Variants in SH3BGRL2 observed in about 807,000 individuals in gnomAD.
The protein encoded by SH3BGRL2 is SH3 domain-binding glutamic acid-rich-like protein 2.
In SH3BGRL2, 21 loss-of-function variants were observed where a neutral mutation model predicts 14.8. That is an observed-to-expected ratio of 1.42 (90% CI 1.01 to 2.05). The LOEUF (loss-of-function observed/expected upper bound fraction) is 2.05. Among genes scored for constraint, SH3BGRL2 ranks in the 30% most tolerant of loss-of-function variants. The probability of loss-of-function intolerance (pLI) is 0.00; values close to 1 mark genes in which losing one functional copy is unlikely to be tolerated. For missense variants in SH3BGRL2, 147 were observed against 130.8 expected (o/e 1.12, Z -0.61); for synonymous variants, 50 against 47.8 (o/e 1.05, Z -0.19).
intron 1 of SH3BGRL2, among the ~76,000 whole-genome samples, chr6:79,646,746 A>G (rs753621141): frequency 1.3e-5 from 2 of 152,142 alleles, no homozygotes; most frequent in Non-Finnish European, 2.9e-5. Context: ...TTCTGACTCA[A>G]TGGATTTGCC....
intron 2 of SH3BGRL2, among the ~76,000 whole-genome samples, chr6:79,681,537 C>T (rs1185832738): frequency 6.6e-6 from 1 of 152,078 alleles, no homozygotes; most frequent in Non-Finnish European, 1.5e-5. Flanking sequence ...GGGTAAATTA[C>T]CAGCAGTTGG....
the SH3BGRL2 span, among the ~76,000 whole-genome samples, chr6:79,584,846 T>C: frequency 6.6e-6 from 1 of 152,178 alleles, no homozygotes; most frequent in Non-Finnish European, 1.5e-5. Context: ...TCTGTCAATG[T>C]TTTAAATGCA....
chr6:79,699,547 G>A lies in SH3BGRL2; in HGVS notation c.*38G>A, dbSNP rs756494500. 2 of 1,449,600 alleles carry A rather than the reference G, an allele frequency of 1.4e-6. No homozygotes were observed. The highest frequency in any genetic ancestry group is 1.8e-6 in the Non-Finnish European group (2 of 1,096,392). 89.8% of individuals were successfully genotyped at this position (1,449,600 alleles called of 1,614,324 possible). A position where few individuals can be genotyped will look rare whatever the true frequency, so the allele number is the denominator to read the frequency against. On this transcript the variant is annotated 3_prime_UTR_variant, in exon 4 of 4. Transcript: ENST00000369838. ...GAAGATGACGGAGATGCATTTTGAA[G>A]CACCCCTGGTACTCAGCACACACAT...
the SH3BGRL2 span, among the ~76,000 whole-genome samples, chr6:79,621,055 G>A: frequency 7.2e-5 from 11 of 152,138 alleles, no homozygotes; most frequent in African/African-American, 2.6e-4. Context: ...GAGCCACCGA[G>A]CCCAGCCATG....
At chr6:79,561,303 TGTC>T in the SH3BGRL2 span, 4 of 152,164 alleles carry the variant, frequency 2.6e-5, no homozygotes, top group African/African-American at 4.8e-5. Context: ...ATTTTCAACA[TGTC>T]GTCAATATGT....
chr6:79,565,401 A>G, the SH3BGRL2 span, among the ~76,000 whole-genome samples: 1 of 152,118 alleles, frequency 6.6e-6, no homozygotes, highest in Admixed American at 6.6e-5. Flanking sequence ...TGCAAATTCT[A>G]TGTTTTTTTA....
chr6:79,622,444 T>A, the SH3BGRL2 span, among the ~76,000 whole-genome samples: 1 of 152,204 alleles, frequency 6.6e-6, no homozygotes, highest in Non-Finnish European at 1.5e-5. Context: ...TAATGATACG[T>A]GTTGCAAGTA....
At chr6:79,567,990 A>G in the SH3BGRL2 span, among the ~76,000 whole-genome samples, 1 of 152,178 alleles carries the variant, frequency 6.6e-6, no homozygotes, top group South Asian at 2.1e-4. Context: ...AAGATGTCCA[A>G]CCTCATTCAT....
intron 1 of SH3BGRL2, among the ~76,000 whole-genome samples, chr6:79,648,794 A>G (rs1359099286): frequency 2.6e-5 from 4 of 152,182 alleles, no homozygotes; most frequent in Non-Finnish European, 1.5e-5. Flanking sequence ...GTCAAAGAGG[A>G]ACGGGATTAG....
the SH3BGRL2 span, among the ~76,000 whole-genome samples, chr6:79,582,974 A>T: frequency 6.6e-6 from 1 of 152,246 alleles, no homozygotes; most frequent in African/African-American, 2.4e-5. Context: ...TGGGCAAAGG[A>T]TATGAACAGA....
the SH3BGRL2 span, among the ~76,000 whole-genome samples, chr6:79,537,763 C>T: frequency 2.6e-5 from 4 of 152,178 alleles, no homozygotes; most frequent in African/African-American, 9.7e-5. Context: ...ATGTAAAACA[C>T]TTAACAATTG....
At chr6:79,613,697 C>A in the SH3BGRL2 span, among the ~76,000 whole-genome samples, 1 of 152,182 alleles carries the variant, frequency 6.6e-6, no homozygotes, top group African/African-American at 2.4e-5. Context: ...CCTCCATCTC[C>A]TGTGTCAAAG....
chr6:79,567,700 AG>A, the SH3BGRL2 span, among the ~76,000 whole-genome samples: 3 of 152,260 alleles, frequency 2.0e-5, no homozygotes, highest in African/African-American at 7.2e-5. Flanking sequence ...TGTTACAAAA[AG>A]ATTTAAAAAA....
At chr6:79,579,977 A>C in the SH3BGRL2 span, among the ~76,000 whole-genome samples, 1 of 152,228 alleles carries the variant, frequency 6.6e-6, no homozygotes, top group Admixed American at 6.5e-5. Flanking sequence ...TGGAAAGCAA[A>C]AAAAGGCAAG....
chr6:79,572,585 G>C, the SH3BGRL2 span, among the ~76,000 whole-genome samples: 6 of 152,084 alleles, frequency 3.9e-5, no homozygotes, highest in Non-Finnish European at 8.8e-5. Flanking sequence ...CCTGCCTCAG[G>C]CTCCCGAGGA....
At chr6:79,582,211 C>T in the SH3BGRL2 span, among the ~76,000 whole-genome samples, 2 of 152,060 alleles carry the variant, frequency 1.3e-5, no homozygotes, top group African/African-American at 4.8e-5. Flanking sequence ...CCATACTGCC[C>T]AAAGTAATTT....
At chr6:79,605,602 C>A in the SH3BGRL2 span, among the ~76,000 whole-genome samples, 3 of 152,128 alleles carry the variant, frequency 2.0e-5, no homozygotes, top group Non-Finnish European at 4.4e-5. Context: ...TCAATGAATG[C>A]CTAATTTCAA....
chr6:79,538,017 A>ATTTTTTTT, the SH3BGRL2 span, among the ~76,000 whole-genome samples: 2 of 50,006 alleles, frequency 4.0e-5, no homozygotes, highest in Non-Finnish European at 7.8e-5. Flanking sequence ...TTTGCACACA[A>ATTTTTTTT]GTTTTTTTTT....
At chr6:79,673,530 G>A (rs1769816451) in intron 1 of SH3BGRL2, 84 bp from the exon 2 acceptor site, 1 of 1,349,624 alleles carries the variant, frequency 7.4e-7, no homozygotes. Flanking sequence ...TTGTATCAAT[G>A]ACATAAATCT....
Sources: allele counts gnomAD v4.1 joint callset (sites outside exome capture counted in the v4.1 genomes callset), GRCh38; gene constraint gnomAD v4.1.1; transcripts MANE v1.5; gene names NCBI Gene and HGNC (gene_info 2026-07-23, HGNC 2026-07-21).